The following NFIX variants were observed in gnomAD, a reference collection of about 807,000 sequenced individuals.
The protein encoded by NFIX is nuclear factor I X.
Under a neutral mutation model 53.3 loss-of-function variants are expected in NFIX, and 2 were observed. That is an observed-to-expected ratio of 0.04 (90% CI 0.02 to 0.12). The LOEUF (loss-of-function observed/expected upper bound fraction) is 0.12, where lower values mean the gene tolerates loss of function less well. NFIX is among the 10% of genes least tolerant of loss of function. The probability of loss-of-function intolerance (pLI) is 1.00; values close to 1 mark genes in which losing one functional copy is unlikely to be tolerated. For synonymous variants in NFIX, 244 were observed against 289.0 expected (o/e 0.84, Z 1.58); for missense variants, 310 against 674.5 (o/e 0.46, Z 5.99).
chr19:13,036,078 C>T lies in NFIX; in HGVS notation c.559+10526C>T, dbSNP rs1238228419. Among the ~76,000 whole-genome samples the T allele has an allele frequency of 6.6e-6, 1 of 152,236 alleles. No individual in the cohort carries two copies. The highest frequency in any genetic ancestry group is 1.5e-5 in the Non-Finnish European group (1 of 68,044). Reference sequence around the variant, plus strand: ...ACAGAAGTCAGGGCCTAAGCCTCAGCCTGCCCTGAGATCCCCACCAAGGGG... The same window carrying T: ...ACAGAAGTCAGGGCCTAAGCCTCAGTCTGCCCTGAGATCCCCACCAAGGGG... On this transcript the variant is annotated intron_variant, in intron 2 of 10. Transcript: ENST00000592199. The surrounding 1 kb of genome is among the most constrained non-coding windows in gnomAD (Gnocchi z 4.7).
rs2016379556 is a variant in NFIX at position 13,066,025 on chromosome 19, G to A, written c.560-7022G>A. ...ATGAGTCTATCTCCACATGGGGAGTGGAGGCAACCAAGGACTGTAGGAGAC... is the reference window on the plus strand; with the variant it reads ...ATGAGTCTATCTCCACATGGGGAGTAGAGGCAACCAAGGACTGTAGGAGAC... On this transcript the variant is annotated intron_variant, in intron 2 of 10. Coordinates refer to ENST00000592199, the MANE Select transcript of NFIX (RefSeq NM_001365902.3). The surrounding 1 kb of genome is among the most constrained non-coding windows in gnomAD (Gnocchi z 4.2). Among the ~76,000 whole-genome samples, 1 of 152,178 alleles carries A rather than the reference G, an allele frequency of 6.6e-6. No homozygotes were observed. Among genetic ancestry groups the A allele is most frequent in the South Asian group, 2.1e-4 (1 of 4,830 alleles).
rs1405687721 is a variant in NFIX at position 13,078,514 on chromosome 19, G to A, written c.956-99G>A. The A allele has an allele frequency of 4.3e-6, 6 of 1,411,270 alleles. No homozygotes were observed. The highest frequency in any genetic ancestry group is 5.8e-6 in the Non-Finnish European group (6 of 1,036,564). 87.4% of individuals were successfully genotyped at this position (1,411,270 alleles called of 1,614,324 possible). On this transcript the variant is annotated intron_variant, in intron 6 of 10. Transcript: ENST00000592199. This position sits in a 1 kb window ranked among gnomAD's most constrained non-coding sequence, Gnocchi z 4.7. ...CAGTGGAGGAAGGGGCAGTGGGGAG[G>A]GGCTGAGGAGAGAAGGAGCGAGCTG...
In NFIX at chr19:13,098,664, C is replaced by T. The variant is rs1374855195; in HGVS notation, c.*4015C>T. The T allele has an allele frequency of 2.6e-5, 4 of 152,776 alleles. No individual in the cohort carries two copies. The highest frequency in any genetic ancestry group is 6.5e-5 in the Admixed American group (1 of 15,316). The allele number at this position is 152,776 out of a possible 1,614,324, so 9.5% of individuals were successfully genotyped here. A position where few individuals can be genotyped will look rare whatever the true frequency, so the allele number is the denominator to read the frequency against. On this transcript the variant is annotated 3_prime_UTR_variant, in exon 11 of 11. Coordinates refer to ENST00000592199, the MANE Select transcript of NFIX (RefSeq NM_001365902.3). ...CAAGTAGGCAGCCAGCCCGTCTGTT[C>T]CCTCTCCGCCCCGCCCCGCCCCGCC...
rs984502495 is a variant in NFIX at position 13,018,717 on chromosome 19, G to A, written c.28-6304G>A. On this transcript the variant is annotated intron_variant, in intron 1 of 10. Coordinates refer to ENST00000592199, the MANE Select transcript of NFIX (RefSeq NM_001365902.3). ...CCTGGCTGCCCAGTGCTGCCGCTGC[G>A]TCATGTCTGCAGTTCCCTTCCCATC... is the stretch of plus-strand genomic sequence containing the variant. Among the ~76,000 whole-genome samples, 25 of 152,340 alleles carry A rather than the reference G, an allele frequency of 1.6e-4. No homozygotes were observed. The East Asian group carries it at 2.5e-3, about 15-fold the overall frequency.
Position 13,073,556 on chromosome 19 carries a change from C to T in NFIX, c.697+60C>T. Reference sequence around the variant, plus strand: ...GATTGAAAGTGAGGAGGTGGGACCTCATGGGATGTCCTCCTAATGGGGTCT... The same window carrying T: ...GATTGAAAGTGAGGAGGTGGGACCTTATGGGATGTCCTCCTAATGGGGTCT... On this transcript the variant is annotated intron_variant, in intron 4 of 10. Transcript: ENST00000592199. The surrounding 1 kb of genome is among the most constrained non-coding windows in gnomAD (Gnocchi z 4.5). 2 of 1,455,694 alleles carry T rather than the reference C, an allele frequency of 1.4e-6. No individual in the cohort carries two copies. Among genetic ancestry groups the T allele is most frequent in the Non-Finnish European group, 1.9e-6 (2 of 1,036,292 alleles). The allele number at this position is 1,455,694 out of a possible 1,614,324, so 90.2% of individuals were successfully genotyped here. A position where few individuals can be genotyped will look rare whatever the true frequency, so the allele number is the denominator to read the frequency against.
chr19:13,001,972 A>T lies in NFIX; in HGVS notation c.27+6108A>T, dbSNP rs574006157. Among the ~76,000 whole-genome samples the T allele has an allele frequency of 1.2e-4, 19 of 152,252 alleles. No individual in the cohort carries two copies. Among genetic ancestry groups the T allele is most frequent in the Admixed American group, 1.2e-3 (18 of 15,306 alleles). ...GCGGGCGTGTGTTCGGGCCGCCCAC[A>T]GGCCTCCCTCTGTCTGCCCGGCGCA... On this transcript the variant is annotated intron_variant, in intron 1 of 10. Transcript: ENST00000592199. This position sits in a 1 kb window ranked among gnomAD's most constrained non-coding sequence, Gnocchi z 6.5.
chr19:13,063,190 C>T (rs980918307), intron 2 of NFIX, among the ~76,000 whole-genome samples: 1 of 152,228 alleles, frequency 6.6e-6, no homozygotes. Context: ...GGGACCTTCC[C>T]CTGCCCTGGG....
In NFIX at chr19:13,012,378, C is replaced by T. The variant is rs1245262705; in HGVS notation, c.28-12643C>T. 1 of 152,134 alleles carries T rather than the reference C, an allele frequency of 6.6e-6. No individual in the cohort carries two copies. The highest frequency in any genetic ancestry group is 1.9e-4 in the East Asian group (1 of 5,158). The allele number at this position is 152,134 out of a possible 1,614,324, so 9.4% of individuals were successfully genotyped here. ...CCCTCTAGTGGGTCTGGGTGGCGTC[C>T]TCCCGGCCCCTCGCTGCTCAAGCGC... On this transcript the variant is annotated intron_variant, in intron 1 of 10. Coordinates refer to ENST00000592199, the MANE Select transcript of NFIX (RefSeq NM_001365902.3). This position sits in a 1 kb window ranked among gnomAD's most constrained non-coding sequence, Gnocchi z 5.0.
chr19:13,023,078 C>CTCTCTT (rs1236645664), intron 1 of NFIX, among the ~76,000 whole-genome samples: 1 of 150,504 alleles, frequency 6.6e-6, no homozygotes, highest in Non-Finnish European at 1.5e-5. Context: ...CTTTCTCTCT[C>CTCTCTT]TCTCTCTCTC....
chr19:13,024,428 C>T, intron 1 of NFIX: 5 of 967,486 alleles, frequency 5.2e-6, no homozygotes, highest in Non-Finnish European at 6.1e-6. Context: ...AAAATGAAAA[C>T]AGCCTGGGGA....
intron 1 of NFIX, among the ~76,000 whole-genome samples, chr19:13,019,136 TAAA>T (rs965403777): frequency 1.1e-4 from 17 of 151,184 alleles, no homozygotes; most frequent in Non-Finnish European, 1.8e-4. Context: ...TTTTTTAAGA[TAAA>T]GAAGGCTACT....
Position 13,009,545 on chromosome 19 carries a change from T to C in NFIX, c.27+13681T>C, listed in dbSNP as rs1045680952. 6.6e-6 allele frequency among the ~76,000 whole-genome samples: 1 copy of C among 152,212 alleles called. No homozygotes were observed. The highest frequency in any genetic ancestry group is 1.5e-5 in the Non-Finnish European group (1 of 68,036). On this transcript the variant is annotated intron_variant, in intron 1 of 10. Transcript: ENST00000592199. This position sits in a 1 kb window ranked among gnomAD's most constrained non-coding sequence, Gnocchi z 4.7. Reference sequence around the variant, plus strand: ...CTTCTGGCCACCTGAGGCTCCTCCTTCTGGCCTTCCCATGGGAATTCCCTT... The same window carrying C: ...CTTCTGGCCACCTGAGGCTCCTCCTCCTGGCCTTCCCATGGGAATTCCCTT...
intron 2 of NFIX, chr19:13,070,734 CGG>C (rs912124898): frequency 6.6e-6 from 1 of 152,396 alleles, no homozygotes; most frequent in African/African-American, 2.4e-5. Flanking sequence ...GCACTCGCAC[CGG>C]ATCCTTGCTC....
chr19:13,007,788 G>A (rs2012107953), intron 1 of NFIX, among the ~76,000 whole-genome samples: 1 of 151,528 alleles, frequency 6.6e-6, no homozygotes, highest in African/African-American at 2.4e-5. Context: ...ATTTGAGGAC[G>A]GCCTGGCCTC....
rs369500949 is a variant in NFIX at position 12,998,325 on chromosome 19, C to CCT, written c.27+2473_27+2474dup. Among the ~76,000 whole-genome samples the CCT allele has an allele frequency of 1.3e-5, 2 of 151,440 alleles. No homozygotes were observed. The highest frequency in any genetic ancestry group is 2.9e-5 in the Non-Finnish European group (2 of 67,822). On this transcript the variant is annotated intron_variant, in intron 1 of 10. Transcript: ENST00000592199. The surrounding 1 kb of genome is among the most constrained non-coding windows in gnomAD (Gnocchi z 4.4). Reference sequence around the variant, plus strand: ...TCTCTGGCCTGCCTCTCTCTCTTTCCCTCTCTCTCTCTCCCTTTTCTTTTT... The same window carrying CCT: ...TCTCTGGCCTGCCTCTCTCTCTTTCCCTCTCTCTCTCTCTCCCTTTTCTTTTT...
intron 1 of NFIX, among the ~76,000 whole-genome samples, chr19:13,015,544 T>C (rs1039521628): frequency 6.6e-6 from 1 of 152,178 alleles, no homozygotes; most frequent in African/African-American, 2.4e-5. Flanking sequence ...CCATTCTCCC[T>C]TTGGGAACCC....
At chr19:13,004,042 T>C (rs1208912660) in intron 1 of NFIX, among the ~76,000 whole-genome samples, 1 of 152,144 alleles carries the variant, frequency 6.6e-6, no homozygotes, top group African/African-American at 2.4e-5. Flanking sequence ...CCCAAGGTGC[T>C]GGGAGCCATG....
At chr19:13,059,542 C>G (rs765198233) in intron 2 of NFIX, among the ~76,000 whole-genome samples, 18 of 152,186 alleles carry the variant, frequency 1.2e-4, no homozygotes, top group Non-Finnish European at 2.5e-4. Flanking sequence ...GCTGCCCATT[C>G]TTGGAGTGGG....
chr19:13,074,807 C>T (rs567289655), intron 5 of NFIX, among the ~76,000 whole-genome samples: 40 of 151,438 alleles, frequency 2.6e-4, no homozygotes, highest in Middle Eastern at 3.4e-3. Context: ...CGGTGGCTCA[C>T]GCCTGTAATC....
Sources: gnomAD v4.1 joint callset for allele counts (sites outside exome capture counted in the v4.1 genomes callset) on GRCh38, gnomAD v4.1.1 for gene constraint, Gnocchi (gnomAD v3.1) non-coding constraint, MANE v1.5 for transcripts, NCBI Gene and HGNC (gene_info 2026-07-23, HGNC 2026-07-21) for gene names.